The following ARFGAP3 variants were observed in gnomAD, a reference collection of about 807,000 sequenced individuals.
ARFGAP3 encodes the protein ARF GTPase activating protein 3.
In ARFGAP3, 72 loss-of-function variants were observed where a neutral mutation model predicts 75.0. The ratio of observed to expected loss-of-function variants is 0.96; its 90% CI spans 0.79 to 1.17. The LOEUF (loss-of-function observed/expected upper bound fraction) is 1.17. ARFGAP3 is among the 50% of genes most tolerant of loss of function. ARFGAP3 has a pLI of 0.00. For synonymous variants in ARFGAP3, 221 were observed against 217.9 expected (o/e 1.01, Z -0.13); for missense variants, 620 against 626.6 (o/e 0.99, Z 0.11).
At chr22:42,809,163 T>C in intron 12 of ARFGAP3, among the ~76,000 whole-genome samples, 1 of 152,214 alleles carries the variant, frequency 6.6e-6, no homozygotes. Flanking sequence ...GGGTAAACAC[T>C]GAATACATTG....
chr22:42,818,932 C>A (rs1239019996), intron 9 of ARFGAP3, among the ~76,000 whole-genome samples: 1 of 151,404 alleles, frequency 6.6e-6, no homozygotes, highest in Non-Finnish European at 1.5e-5. Flanking sequence ...CCTGCCTCAG[C>A]CTCCCGAGTA....
At chr22:42,845,537 A>AAC (rs1305227276) in intron 2 of ARFGAP3, among the ~76,000 whole-genome samples, 3 of 151,520 alleles carry the variant, frequency 2.0e-5, no homozygotes, top group Non-Finnish European at 2.9e-5. Flanking sequence ...AAAAAAAAAA[A>AAC]AAACCCAAAA....
intron 14 of ARFGAP3, among the ~76,000 whole-genome samples, chr22:42,802,041 G>T (rs1247472711): frequency 6.6e-6 from 1 of 152,106 alleles, no homozygotes; most frequent in Non-Finnish European, 1.5e-5. Context: ...GGCATTGGGT[G>T]GGGAGCTGTG....
At chr22:42,823,301 G>A (rs778112063) in intron 8 of ARFGAP3, among the ~76,000 whole-genome samples, 9 of 151,996 alleles carry the variant, frequency 5.9e-5, no homozygotes, top group Admixed American at 3.9e-4. Flanking sequence ...CTGGTGCTCC[G>A]CAATGCTTCG....
chr22:42,850,214 G>A (rs568150691), intron 1 of ARFGAP3, among the ~76,000 whole-genome samples: 28 of 151,882 alleles, frequency 1.8e-4, no homozygotes, highest in Middle Eastern at 3.4e-3. Flanking sequence ...ATTAAACTCC[G>A]AATAGGGAAA....
intron 12 of ARFGAP3, among the ~76,000 whole-genome samples, chr22:42,809,876 C>T (rs1329010824): frequency 4.6e-5 from 7 of 151,716 alleles, no homozygotes; most frequent in South Asian, 2.1e-4. Context: ...TGGTGGCGGG[C>T]GCCTGTAGTC....
chr22:42,808,981 C>A, intron 12 of ARFGAP3, 91 bp from the exon 13 acceptor site: 1 of 1,320,912 alleles, frequency 7.6e-7, no homozygotes. Context: ...ATGCCAACAG[C>A]AGTAAATTTT....
Position 42,797,399 on chromosome 22 carries a change from T to C in ARFGAP3, c.*189A>G, listed in dbSNP as rs1168739262. On this transcript the variant is annotated 3_prime_UTR_variant, in exon 16 of 16. Transcript: ENST00000263245. ...GACAGGAAGGAACGTGAAACAGAAA[T>C]CACAGGAAAGCTCCTACATCAGAAC... 5.9e-6 allele frequency: 4 copies of C among 682,128 alleles called. No homozygotes were observed. The highest frequency in any genetic ancestry group is 9.8e-6 in the Non-Finnish European group (4 of 406,518). The allele number at this position is 682,128 out of a possible 1,614,324, so 42.3% of individuals were successfully genotyped here. A position where few individuals can be genotyped will look rare whatever the true frequency, so the allele number is the denominator to read the frequency against.
At chr22:42,831,218 C>T (rs909708683) in intron 6 of ARFGAP3, among the ~76,000 whole-genome samples, 24 of 139,672 alleles carry the variant, frequency 1.7e-4, no homozygotes, top group African/African-American at 6.3e-4. Context: ...ACCCAGGAGG[C>T]GGAGGTTGCA....
rs181511303 is a variant in ARFGAP3, at chr22:42,850,137, C to T, written c.70-2505G>A. On this transcript the variant is annotated intron_variant, in intron 1 of 15. Transcript: ENST00000263245. ...TACACAGTGCTAACTAGCAGAGTCA[C>T]GCGTCGGAAGTGTGCTGGGCCCATA... Among the ~76,000 whole-genome samples, 8 of 152,152 alleles carry T rather than the reference C, an allele frequency of 5.3e-5. No individual in the cohort carries two copies. In the East Asian group the frequency reaches 1.5e-3, roughly 29 times the overall value.
chr22:42,811,568 T>C (rs1925369096), intron 11 of ARFGAP3, among the ~76,000 whole-genome samples: 1 of 152,234 alleles, frequency 6.6e-6, no homozygotes, highest in African/African-American at 2.4e-5. Context: ...ATGATGCTCA[T>C]TAACCTCCTC....
chr22:42,807,889 C>T (rs1243244523), intron 13 of ARFGAP3, among the ~76,000 whole-genome samples: 5 of 150,764 alleles, frequency 3.3e-5, no homozygotes, highest in African/African-American at 4.9e-5. Flanking sequence ...GGACTAGAAG[C>T]GCGTACCACC....
At chr22:42,847,928 A>T (rs1006178712) in intron 1 of ARFGAP3, among the ~76,000 whole-genome samples, 2 of 149,240 alleles carry the variant, frequency 1.3e-5, no homozygotes, top group Admixed American at 6.7e-5. Flanking sequence ...GCAATGGTGC[A>T]ATCTCGGCTC....
In ARFGAP3 at chr22:42,799,039, C is replaced by G. The variant is rs147909015; in HGVS notation, c.1533G>C (p.Gln511His). ...GTGAGCACTGCCCCATTCCACTGAC[C>G]TGAATTGAAGTCACGACTCCATTAG... Reference protein sequence around the residue: ...VFANGVVTSIQDRYGS With the variant: ...VFANGVVTSIHDRYGS The change falls in exon 15 of 16, where the codon CAG (glutamine) becomes CAC (histidine). Residue 511 changes from glutamine (Q) to histidine (H), a missense_variant and splice_region_variant. By Grantham distance (24) the Gln-to-His change is conservative. Transcript: ENST00000263245. 1.4e-4 allele frequency: 221 copies of G among 1,614,098 alleles called. No homozygotes were observed. The African/African-American group carries it at 2.8e-3, about 20-fold the overall frequency.
intron 1 of ARFGAP3, among the ~76,000 whole-genome samples, chr22:42,854,447 A>G (rs1927411572): frequency 6.6e-6 from 1 of 152,168 alleles, no homozygotes; most frequent in Non-Finnish European, 1.5e-5. Context: ...CAATATGGTG[A>G]AACTCCATTA....
At chr22:42,853,648 G>A in intron 1 of ARFGAP3, 1 of 177,364 alleles carries the variant, frequency 5.6e-6, no homozygotes, top group Middle Eastern at 9.0e-4. Flanking sequence ...AGAGCTCCCT[G>A]TGCCTTGGGA....
At chr22:42,855,348 C>T (rs992236869) in intron 1 of ARFGAP3, among the ~76,000 whole-genome samples, 1 of 152,156 alleles carries the variant, frequency 6.6e-6, no homozygotes, top group Non-Finnish European at 1.5e-5. Context: ...CTAATCTTGA[C>T]TAAGTTACAC....
At chr22:42,812,253 T>C (rs1383344901) in intron 11 of ARFGAP3, among the ~76,000 whole-genome samples, 1 of 140,650 alleles carries the variant, frequency 7.1e-6, no homozygotes, top group South Asian at 2.2e-4. Flanking sequence ...AAAAAGGGAC[T>C]GTGCCATGCC....
Position 42,817,187 on chromosome 22 carries a change from T to C in ARFGAP3, c.1019A>G (p.Lys340Arg), listed in dbSNP as rs762451487. The C allele has an allele frequency of 6.2e-7, 1 of 1,613,618 alleles. No individual in the cohort carries two copies. The highest frequency in any genetic ancestry group is 2.2e-5 in the East Asian group (1 of 44,802). The change falls in exon 11 of 16, where the codon AAG (lysine) becomes AGG (arginine). Residue 340 changes from lysine to arginine, a missense_variant. Transcript: ENST00000263245. The stretch of plus-strand genomic sequence containing the variant: ...TGAATCGTCACTGTCATCATTATAC[T>C]TTTTTCTTGGTTTTGCCATAATGGG... ...ESPIMAKPRKKYNDDSDDSYF... is the reference protein window; with the variant it reads ...ESPIMAKPRKRYNDDSDDSYF...
Sources: allele counts gnomAD v4.1 joint callset (sites outside exome capture counted in the v4.1 genomes callset), GRCh38; gene constraint gnomAD v4.1.1; transcripts MANE v1.5; gene names NCBI Gene and HGNC (gene_info 2026-07-23, HGNC 2026-07-21).